The following CASQ2 variants were observed in gnomAD, a reference collection of about 807,000 sequenced individuals.
The protein encoded by CASQ2 is calsequestrin 2, also known as calsequestrin-2.
In CASQ2, 49 loss-of-function variants were observed where a neutral mutation model predicts 46.5. That is an observed-to-expected ratio of 1.05 (90% CI 0.84 to 1.34). CASQ2 has a LOEUF of 1.34. CASQ2 is among the 40% of genes most tolerant of loss of function. The pLI is 0.00. For missense variants in CASQ2, 486 were observed against 481.3 expected (o/e 1.01, Z -0.09); for synonymous variants, 174 against 168.5 (o/e 1.03, Z -0.25).
chr1:115,734,699 G>T (rs1177269203), intron 4 of CASQ2, among the ~76,000 whole-genome samples: 1 of 152,112 alleles, frequency 6.6e-6, no homozygotes, highest in Admixed American at 6.5e-5. Context: ...TGAACATTGA[G>T]TTCCCAGCCT....
intron 4 of CASQ2, among the ~76,000 whole-genome samples, chr1:115,733,525 C>T (rs1440283327): frequency 6.6e-6 from 1 of 151,878 alleles, no homozygotes; most frequent in African/African-American, 2.4e-5. Context: ...CTTTTTTATT[C>T]TGATGCCTCA....
At chr1:115,708,477 G>A (rs906841554) in intron 8 of CASQ2, among the ~76,000 whole-genome samples, 1 of 152,102 alleles carries the variant, frequency 6.6e-6, no homozygotes, top group African/African-American at 2.4e-5. Flanking sequence ...ACAGACTCTG[G>A]GGCCAAATGA....
intron 1 of CASQ2, among the ~76,000 whole-genome samples, chr1:115,757,188 C>G (rs1160705370): frequency 6.6e-6 from 1 of 152,168 alleles, no homozygotes; most frequent in Non-Finnish European, 1.5e-5. Context: ...CTGTAATCAA[C>G]TCAATCCATG....
Position 115,727,107 on chromosome 1 carries a change from A to G in CASQ2, c.622T>C (p.Ser208Pro), listed in dbSNP as rs752385036. 6.2e-7 allele frequency: 1 copy of G among 1,613,072 alleles called. No individual in the cohort carries two copies. The highest frequency in any genetic ancestry group is 1.1e-5 in the South Asian group (1 of 91,030). Residue 208 changes from serine (S) to proline (P), a missense_variant, in exon 6 of 11, where the codon TCT (serine) becomes CCT (proline). By Grantham distance (74) the Ser-to-Pro change is moderately conservative. Transcript: ENST00000261448. ...TFDKGVAKKL[S>P]LKMNEVDFYE... is the part of the protein sequence containing the mutation. ...AAGTCAACCTCATTCATCTTCAAAGATAATTTCTTTGCAACCTGTAACCAT... is the reference window on the plus strand; with the variant it reads ...AAGTCAACCTCATTCATCTTCAAAGGTAATTTCTTTGCAACCTGTAACCAT...
chr1:115,718,156 C>T (rs1019526396), intron 7 of CASQ2, among the ~76,000 whole-genome samples: 6 of 152,170 alleles, frequency 3.9e-5, no homozygotes, highest in African/African-American at 1.4e-4. Context: ...ACCAACCACA[C>T]GCAAGACATT....
intron 2 of CASQ2, among the ~76,000 whole-genome samples, chr1:115,742,192 GTATATATGAAAAATTATATATTTTT>G (rs1377891828): frequency 1.3e-4 from 20 of 151,454 alleles, no homozygotes; most frequent in East Asian, 5.8e-4. Flanking sequence ...TCATATATAA[GTATATATGAAAAATTATATATTTTT>G]TATATATGAA....
At chr1:115,745,871 G>A (rs1648369189) in intron 1 of CASQ2, among the ~76,000 whole-genome samples, 1 of 152,076 alleles carries the variant, frequency 6.6e-6, no homozygotes, top group Non-Finnish European at 1.5e-5. Context: ...GCAAAACGGA[G>A]GTACAATGTT....
chr1:115,725,034 A>C (rs1455577901), intron 7 of CASQ2, among the ~76,000 whole-genome samples: 1 of 152,150 alleles, frequency 6.6e-6, no homozygotes, highest in Non-Finnish European at 1.5e-5. Flanking sequence ...ACTGTGTTTT[A>C]ATTGAGCATG....
rs1557806667 is a variant in CASQ2, at chr1:115,761,452, AAGAAGAAGAAGG to A, written c.234+6844_234+6855del. Among the ~76,000 whole-genome samples, 78 of 7,590 alleles carry A rather than the reference AAGAAGAAGAAGG, an allele frequency of 0.01. 1 individual carries two copies. The Middle Eastern group carries it at 0.15, about 15-fold the overall frequency. 5.0% of individuals were successfully genotyped at this position (7,590 alleles called of 152,430 possible). A position where few individuals can be genotyped will look rare whatever the true frequency, so the allele number is the denominator to read the frequency against. On this transcript the variant is annotated intron_variant, in intron 1 of 10. Coordinates refer to ENST00000261448, the MANE Select transcript of CASQ2 (RefSeq NM_001232.4). ...AAGAAGAAGAAGAAAGAAGAAGAAG[AAGAAGAAGAAGG>A]AGAAGAAGAAGAAGAAGAAGAAGGA... is the stretch of plus-strand genomic sequence containing the variant.
chr1:115,761,527 AAG>A (rs1491241076), intron 1 of CASQ2, among the ~76,000 whole-genome samples: 1 of 69,096 alleles, frequency 1.4e-5, no homozygotes, highest in East Asian at 9.0e-4. Context: ...GAAGAAGAAG[AAG>A]AGTTCATAAA....
Position 115,700,751 on chromosome 1 carries a change from T to A in CASQ2, c.*490A>T, listed in dbSNP as rs1397520231. The A allele has an allele frequency of 2.4e-6, 1 of 415,458 alleles. No homozygotes were observed. Among genetic ancestry groups the A allele is most frequent in the African/African-American group, 2.0e-5 (1 of 49,820 alleles). 25.7% of individuals were successfully genotyped at this position (415,458 alleles called of 1,614,324 possible). A position where few individuals can be genotyped will look rare whatever the true frequency, so the allele number is the denominator to read the frequency against. On this transcript the variant is annotated 3_prime_UTR_variant, in exon 11 of 11. Transcript: ENST00000261448. Reference sequence around the variant, plus strand: ...GCTGAGCCTTCTCTAAGAAGGATCATCTTGGCTGGAGGAGGGATCCCAACT... The same window carrying A: ...GCTGAGCCTTCTCTAAGAAGGATCAACTTGGCTGGAGGAGGGATCCCAACT...
chr1:115,701,475 A>C (rs765100974), intron 10 of CASQ2, 49 bp from the exon 11 acceptor site: 15 of 1,227,788 alleles, frequency 1.2e-5, no homozygotes, highest in Non-Finnish European at 1.8e-5. Flanking sequence ...TGAGGGCTGA[A>C]CCAGACCAGG....
intron 8 of CASQ2, among the ~76,000 whole-genome samples, chr1:115,714,635 C>G (rs547947120): frequency 4.6e-5 from 7 of 152,366 alleles, no homozygotes; most frequent in African/African-American, 1.7e-4. Context: ...GCAGGAATGA[C>G]ATTCCTAGTC....
At chr1:115,745,742 A>G (rs1335268894) in intron 1 of CASQ2, among the ~76,000 whole-genome samples, 1 of 139,280 alleles carries the variant, frequency 7.2e-6, no homozygotes, top group Non-Finnish European at 1.6e-5. Flanking sequence ...AAATATTAAT[A>G]CTACTTTTTT....
intron 5 of CASQ2, among the ~76,000 whole-genome samples, chr1:115,731,824 T>C (rs1647793648): frequency 6.6e-6 from 1 of 152,082 alleles, no homozygotes; most frequent in Non-Finnish European, 1.5e-5. Context: ...AGTGAGAAAA[T>C]CCATGTTAAC....
intron 1 of CASQ2, among the ~76,000 whole-genome samples, chr1:115,751,546 C>A (rs1162717803): frequency 2.0e-5 from 3 of 152,038 alleles, no homozygotes; most frequent in African/African-American, 7.3e-5. Context: ...GTGGCAGGAG[C>A]CTGTAGTCCC....
At chr1:115,705,066 A>G in intron 9 of CASQ2, 126 bp downstream of exon 9, 1 of 757,750 alleles carries the variant, frequency 1.3e-6, no homozygotes. Context: ...AAGACCTCCC[A>G]CACTGGGTGA....
chr1:115,762,172 T>C (rs1648986361), intron 1 of CASQ2, among the ~76,000 whole-genome samples: 1 of 152,144 alleles, frequency 6.6e-6, no homozygotes, highest in African/African-American at 2.4e-5. Flanking sequence ...ATATGGCCAT[T>C]TTTGTGCCAA....
intron 4 of CASQ2, 48 bp downstream of exon 4, chr1:115,738,176 T>G (rs551248076): frequency 4.7e-4 from 536 of 1,148,124 alleles, no homozygotes; most frequent in Non-Finnish European, 6.5e-4. Context: ...ATACCTTGTT[T>G]GGAATCTAGC....
Sources: gnomAD v4.1 joint callset for allele counts (sites outside exome capture counted in the v4.1 genomes callset) on GRCh38, gnomAD v4.1.1 for gene constraint, MANE v1.5 for transcripts, NCBI Gene and HGNC (gene_info 2026-07-23, HGNC 2026-07-21) for gene names.